The following NRP1 variants were observed in gnomAD, a reference collection of about 807,000 sequenced individuals.
NRP1 encodes neuropilin-1.
In NRP1, 35 loss-of-function variants were observed where a neutral mutation model predicts 106.7. The ratio of observed to expected loss-of-function variants is 0.33; its 90% CI spans 0.25 to 0.43. The LOEUF is 0.43. NRP1 is among the 20% of genes least tolerant of loss of function. NRP1 has a pLI of 1.00. For synonymous variants in NRP1, 437 were observed against 417.9 expected (o/e 1.05, Z -0.56); for missense variants, 1,024 against 1,170.4 (o/e 0.87, Z 1.83).
At chr10:33,254,319 G>T in intron 5 of NRP1, 125 bp from the exon 6 acceptor site, 1 of 768,338 alleles carries the variant, frequency 1.3e-6, no homozygotes, top group South Asian at 2.0e-5. Flanking sequence ...GGTAGTAAGG[G>T]ACTTATTGGA....
At chr10:33,315,968 G>A (rs1225282203) in intron 2 of NRP1, among the ~76,000 whole-genome samples, 3 of 152,158 alleles carry the variant, frequency 2.0e-5, no homozygotes, top group Non-Finnish European at 4.4e-5. Context: ...GGAGCCACAG[G>A]GGATAAGGCC....
At chr10:33,325,009 G>C (rs1336283870) in intron 2 of NRP1, among the ~76,000 whole-genome samples, 1 of 152,164 alleles carries the variant, frequency 6.6e-6, no homozygotes, top group Non-Finnish European at 1.5e-5. Flanking sequence ...CAGAAGTTAG[G>C]ACAGCAGTTG....
chr10:33,248,437 A>C (rs1841589462), intron 6 of NRP1, among the ~76,000 whole-genome samples: 1 of 152,240 alleles, frequency 6.6e-6, no homozygotes, highest in South Asian at 2.1e-4. Context: ...ACTTAGAAGA[A>C]GGGCATTTAC....
At chr10:33,191,090 T>C (rs181961763) in intron 13 of NRP1, among the ~76,000 whole-genome samples, 1 of 152,308 alleles carries the variant, frequency 6.6e-6, no homozygotes, top group East Asian at 1.9e-4. Flanking sequence ...ACTCTCTAAC[T>C]CAACTGATTC....
chr10:33,213,427 C>T lies in NRP1; in HGVS notation c.1573G>A (p.Asp525Asn). The change falls in exon 9 of 17, where the codon GAC becomes AAC. Residue 525 changes from aspartate (D) to asparagine (N), a missense_variant. By Grantham distance (23) the Asp-to-Asn change is conservative. Coordinates refer to ENST00000374867, the MANE Select transcript of NRP1 (RefSeq NM_003873.7). ...FKIGYSNNGSDWKMIMDDSKR... is the reference protein window; with the variant it reads ...FKIGYSNNGSNWKMIMDDSKR... ...CTGTCATCCATGATCATCTTCCAGTCCGAGCCGTTGTTGCTGTACCCGATC... is the reference window on the plus strand; with the variant it reads ...CTGTCATCCATGATCATCTTCCAGTTCGAGCCGTTGTTGCTGTACCCGATC... 6.2e-7 allele frequency: 1 copy of T among 1,614,028 alleles called. No homozygotes were observed. Among genetic ancestry groups the T allele is most frequent in the Non-Finnish European group, 8.5e-7 (1 of 1,180,022 alleles).
chr10:33,207,937 A>AT (rs1024496213), intron 9 of NRP1, among the ~76,000 whole-genome samples: 1 of 151,978 alleles, frequency 6.6e-6, no homozygotes, highest in Non-Finnish European at 1.5e-5. Context: ...CATTATTATT[A>AT]TTTTTTGAGA....
chr10:33,260,163 C>T (rs1842477538), intron 4 of NRP1, among the ~76,000 whole-genome samples: 1 of 152,096 alleles, frequency 6.6e-6, no homozygotes, highest in Non-Finnish European at 1.5e-5. Context: ...CACACCTGGC[C>T]TAAAGGTATC....
At chr10:33,201,819 CT>C (rs1837333770) in intron 11 of NRP1, 2 of 151,696 alleles carry the variant, frequency 1.3e-5, no homozygotes, top group South Asian at 4.2e-4. Flanking sequence ...ATTTTTTTTT[CT>C]TTCTTTTACT....
rs1842100478 is a variant in NRP1 at position 33,254,952 on chromosome 10, C to T, written c.815-758G>A. Among the ~76,000 whole-genome samples the T allele has an allele frequency of 2.0e-5, 3 of 152,244 alleles. No individual in the cohort carries two copies. In the South Asian group the frequency reaches 6.2e-4, roughly 32 times the overall value. Reference sequence around the variant, plus strand: ...TCAGCAGGGACGTGGTGTTTCAAGGCCAGTGAAACATCAAAATCTATATTC... The same window carrying T: ...TCAGCAGGGACGTGGTGTTTCAAGGTCAGTGAAACATCAAAATCTATATTC... On this transcript the variant is annotated intron_variant, in intron 5 of 16. Coordinates refer to ENST00000374867, the MANE Select transcript of NRP1 (RefSeq NM_003873.7).
At chr10:33,324,510 C>T (rs951303265) in intron 2 of NRP1, among the ~76,000 whole-genome samples, 2 of 152,196 alleles carry the variant, frequency 1.3e-5, no homozygotes, top group Non-Finnish European at 2.9e-5. Flanking sequence ...AAGATATTTC[C>T]ATCAGTAGCC....
Position 33,213,618 on chromosome 10 carries a change from T to C in NRP1, c.1382A>G (p.Asn461Ser). 2 of 1,614,048 alleles carry C rather than the reference T, an allele frequency of 1.2e-6. No homozygotes were observed. The highest frequency in any genetic ancestry group is 2.2e-5 in the East Asian group (1 of 44,862). ...AGAGCGACTGGTTACCAGGCGGATG[T>C]TTTCAGGCATCCAGTTTCTGTCCCC... ...NQGDRNWMPE[N>S]IRLVTSRSGW... Residue 461 changes from asparagine to serine, a missense_variant, in exon 9 of 17, where the codon AAC becomes AGC. By Grantham distance (46) the Asn-to-Ser change is conservative. This residue lies in a region of NRP1 where 562 missense variants were observed against 620.3 expected (regional missense o/e 0.91). Transcript: ENST00000374867.
chr10:33,248,842 A>C (rs552376042), intron 6 of NRP1, among the ~76,000 whole-genome samples: 1 of 152,166 alleles, frequency 6.6e-6, no homozygotes, highest in African/African-American at 2.4e-5. Context: ...CCCAAACAGG[A>C]TGTGGTTTAG....
At chr10:33,326,465 C>T (rs897863271) in intron 2 of NRP1, among the ~76,000 whole-genome samples, 1 of 152,118 alleles carries the variant, frequency 6.6e-6, no homozygotes, top group African/African-American at 2.4e-5. Flanking sequence ...ATCAACATTC[C>T]TTCCTCTCCC....
At chr10:33,254,867 G>T (rs1445199910) in intron 5 of NRP1, among the ~76,000 whole-genome samples, 1 of 152,224 alleles carries the variant, frequency 6.6e-6, no homozygotes, top group Non-Finnish European at 1.5e-5. Context: ...GTGAGCATAA[G>T]AATGATTGCT....
At chr10:33,303,520 G>A (rs975143633) in intron 2 of NRP1, among the ~76,000 whole-genome samples, 3 of 152,082 alleles carry the variant, frequency 2.0e-5, no homozygotes, top group Non-Finnish European at 2.9e-5. Context: ...AAACAGTTTC[G>A]TATTTAAACT....
At chr10:33,332,574 C>G (rs2026319) in intron 1 of NRP1, among the ~76,000 whole-genome samples, 11,596 of 152,212 alleles carry the variant, frequency 0.076, 599 homozygotes, top group East Asian at 0.21. Context: ...GAGAAAGTGA[C>G]AGTGTAATAA....
intron 7 of NRP1, among the ~76,000 whole-genome samples, chr10:33,222,210 C>A (rs921929290): frequency 6.6e-6 from 1 of 152,146 alleles, no homozygotes; most frequent in African/African-American, 2.4e-5. Context: ...GTCATGGGAA[C>A]TCTCACTGTT....
At chr10:33,193,750 T>TC (rs1408445176) in intron 12 of NRP1, among the ~76,000 whole-genome samples, 1 of 152,140 alleles carries the variant, frequency 6.6e-6, no homozygotes, top group African/African-American at 2.4e-5. Flanking sequence ...CCATGGCCCC[T>TC]CCCCCAATGG....
At chr10:33,206,116 G>T in intron 10 of NRP1, 1 of 474,442 alleles carries the variant, frequency 2.1e-6, no homozygotes, top group Non-Finnish European at 4.2e-6. Flanking sequence ...TTTCAAAACT[G>T]CCACCAGGCT....
Sources: allele counts gnomAD v4.1 joint callset (sites outside exome capture counted in the v4.1 genomes callset), GRCh38; gene constraint gnomAD v4.1.1; regional missense constraint gnomAD v4.1.1; transcripts MANE v1.5; gene names NCBI Gene and HGNC (gene_info 2026-07-23, HGNC 2026-07-21).